The following UBC variants were observed in gnomAD, a reference collection of about 807,000 sequenced individuals.
UBC encodes the protein polyubiquitin-C.
Under a neutral mutation model 34.7 loss-of-function variants are expected in UBC, and 8 were observed. The ratio of observed to expected loss-of-function variants is 0.23; its 90% CI spans 0.14 to 0.42. The LOEUF (loss-of-function observed/expected upper bound fraction) is 0.42, where lower values mean the gene tolerates loss of function less well. Ranked by LOEUF, UBC falls within the 10% of genes least tolerant of loss-of-function variation. The probability of loss-of-function intolerance (pLI) is 1.00; values close to 1 mark genes in which losing one functional copy is unlikely to be tolerated. For synonymous variants in UBC, 367 were observed against 299.8 expected (o/e 1.22, Z -2.32); for missense variants, 323 against 750.3 (o/e 0.43, Z 6.65).
Position 124,913,079 on chromosome 12 carries a change from G to T in UBC, c.693C>A (p.Ile231=). 6.2e-7 allele frequency: 1 copy of T among 1,609,852 alleles called. No individual in the cohort carries two copies. Among genetic ancestry groups the T allele is most frequent in the Non-Finnish European group, 8.5e-7 (1 of 1,178,250 alleles). Residue 231 remains isoleucine (I), a synonymous_variant, in exon 2 of 2, where the codon ATC becomes ATA. Transcript: ENST00000339647. ...TCTTGCCAGTGAGTGTCTTCACGAA[G>T]ATTTGCATCCCACCTCTGAGACGGA... ...LVLRLRGGMQ[I]FVKTLTGKTI...
intron 1 of UBC, 49 bp from the exon 2 acceptor site, chr12:124,913,823 T>A (rs1566303190): frequency 6.3e-7 from 1 of 1,596,856 alleles, no homozygotes; most frequent in African/African-American, 1.4e-5. Flanking sequence ...AATTTACTAG[T>A]CTAACACTGA....
At position 124,911,980 on chromosome 12, in the gene UBC, T is replaced by G; in HGVS notation, c.1792A>C (p.Thr598Pro). 6.3e-7 allele frequency: 1 copy of G among 1,584,106 alleles called. No homozygotes were observed. The highest frequency in any genetic ancestry group is 8.6e-7 in the Non-Finnish European group (1 of 1,163,238). Residue 598 changes from threonine (T) to proline (P), a missense_variant, in exon 2 of 2, where the codon ACC becomes CCC. Thr to Pro is a conservative substitution (Grantham distance 38, BLOSUM62 -1). This residue lies in a region of UBC where 49 missense variants were observed against 112.6 expected (regional missense o/e 0.44). Coordinates refer to ENST00000339647, the MANE Select transcript of UBC (RefSeq NM_021009.7). ...LSDYNIQKES[T>P]LHLVLRLRGG... ...CTGAGACGGAGCACCAGGTGCAGGG[T>G]GGACTCTTTCTGGATGTTGTAGTCA...
chr12:124,913,834 A>G, intron 1 of UBC, 60 bp from the exon 2 acceptor site: 1 of 1,590,536 alleles, frequency 6.3e-7, no homozygotes, highest in Non-Finnish European at 8.6e-7. Context: ...CTAACACTGA[A>G]AATTACATAT....
At chr12:124,914,159 G>T (rs945349970) in intron 1 of UBC, 3 of 250,070 alleles carry the variant, frequency 1.2e-5, no homozygotes, top group African/African-American at 4.6e-5. Flanking sequence ...CGACGAGGGC[G>T]CGCGCTCCCA....
rs1461698981 is a variant in UBC, at chr12:124,913,322, T to C, written c.450A>G (p.Arg150=). ...ESTLHLVLRL[R]GGMQIFVKTL... is the part of the protein sequence containing the mutation. ...TCTTCACGAAGATCTGCATCCCACC[T>C]CTGAGACGGAGCACCAGGTGCAGGG... Residue 150 remains arginine, a synonymous_variant, in exon 2 of 2, where the codon AGA becomes AGG. Transcript: ENST00000339647. 1 of 1,608,154 alleles carries C rather than the reference T, an allele frequency of 6.2e-7. No individual in the cohort carries two copies. Among genetic ancestry groups the C allele is most frequent in the African/African-American group, 1.4e-5 (1 of 73,132 alleles).
chr12:124,912,692 C>T lies in UBC; in HGVS notation c.1080G>A (p.Leu360=). The T allele has an allele frequency of 6.2e-7, 1 of 1,610,928 alleles. No individual in the cohort carries two copies. Among genetic ancestry groups the T allele is most frequent in the Non-Finnish European group, 8.5e-7 (1 of 1,179,178 alleles). ...ACTCTTTCTGGATGTTGTAGTCAGACAGGGTACGACCATCTTCCAGCTGTT... is the reference window on the plus strand; with the variant it reads ...ACTCTTTCTGGATGTTGTAGTCAGATAGGGTACGACCATCTTCCAGCTGTT... The part of the protein sequence containing the change: ...AGKQLEDGRT[L]SDYNIQKEST... Residue 360 remains leucine, a synonymous_variant, in exon 2 of 2, where the codon CTG becomes CTA. Coordinates refer to ENST00000339647, the MANE Select transcript of UBC (RefSeq NM_021009.7).
In UBC at chr12:124,912,632, C is replaced by T. The variant is rs958058799; in HGVS notation, c.1140G>A (p.Gly380=). The T allele has an allele frequency of 6.2e-7, 1 of 1,610,322 alleles. No homozygotes were observed. The highest frequency in any genetic ancestry group is 8.5e-7 in the Non-Finnish European group (1 of 1,179,042). Reference sequence around the variant, plus strand: ...TCAGGGTCTTCACGAAGATCTGCATCCCACCTCTGAGACGGAGCACCAGGT... The same window carrying T: ...TCAGGGTCTTCACGAAGATCTGCATTCCACCTCTGAGACGGAGCACCAGGT... ...TLHLVLRLRG[G]MQIFVKTLTG... The change falls in exon 2 of 2, where the codon GGG becomes GGA. Residue 380 remains glycine, a synonymous_variant. Transcript: ENST00000339647.
chr12:124,914,028 C>T (rs1953570731), intron 1 of UBC: 1 of 563,976 alleles, frequency 1.8e-6, no homozygotes, highest in East Asian at 3.4e-5. Flanking sequence ...CCTGTCGATT[C>T]AGGAGAGCCT....
chr12:124,914,506 C>G (rs562883726), intron 1 of UBC, 81 bp downstream of exon 1: 2 of 153,150 alleles, frequency 1.3e-5, no homozygotes, highest in Non-Finnish European at 2.9e-5. Flanking sequence ...CAGCCCTTGG[C>G]GGTCTCTCCA....
intron 1 of UBC, chr12:124,914,243 A>T: frequency 5.2e-6 from 1 of 194,080 alleles, no homozygotes; most frequent in Non-Finnish European, 1.1e-5. Flanking sequence ...CGAGTTCTCC[A>T]GTCAGTGACA....
At chr12:124,913,968 C>T in intron 1 of UBC, 194 bp from the exon 2 acceptor site, 3 of 863,490 alleles carry the variant, frequency 3.5e-6, no homozygotes, top group Non-Finnish European at 3.4e-6. Context: ...ATAAAACCGA[C>T]CAGAGAAACT....
rs11537764 is a variant in UBC, at chr12:124,912,716, T to C, written c.1056A>G (p.Lys352=). ...ACAGGGTACGACCATCTTCCAGCTG[T>C]TTTCCGGCAAAGATCAACCTCTGCT... ...PDQQRLIFAG[K]QLEDGRTLSD... is the part of the protein sequence containing the mutation. Residue 352 remains lysine (K), a synonymous_variant, in exon 2 of 2, where the codon AAA becomes AAG. Coordinates refer to ENST00000339647, the MANE Select transcript of UBC (RefSeq NM_021009.7). 45 of 1,593,920 alleles carry C rather than the reference T, an allele frequency of 2.8e-5. No individual in the cohort carries two copies. The highest frequency in any genetic ancestry group is 2.1e-4 in the African/African-American group (14 of 67,774).
chr12:124,913,377 A>G lies in UBC; in HGVS notation c.395T>C (p.Leu132Pro). 1 of 1,610,220 alleles carries G rather than the reference A, an allele frequency of 6.2e-7. No individual in the cohort carries two copies. Among genetic ancestry groups the G allele is most frequent in the Non-Finnish European group, 8.5e-7 (1 of 1,178,966 alleles). The change falls in exon 2 of 2, where the codon CTG (leucine) becomes CCG (proline). Residue 132 changes from leucine (L) to proline (P), a missense_variant. Physicochemically the swap from Leu to Pro is moderately conservative, Grantham distance 98. This residue lies in a region of UBC where 202 missense variants were observed against 361.9 expected (regional missense o/e 0.56). Transcript: ENST00000339647. ...CTCTTTCTGGATGTTGTAGTCAGACAGGGTGCGCCCATCTTCCAGCTGCTT... is the reference window on the plus strand; with the variant it reads ...CTCTTTCTGGATGTTGTAGTCAGACGGGGTGCGCCCATCTTCCAGCTGCTT... ...AGKQLEDGRT[L>P]SDYNIQKEST...
chr12:124,913,946 G>A (rs1044673736), intron 1 of UBC, 172 bp from the exon 2 acceptor site: 30 of 1,023,442 alleles, frequency 2.9e-5, no homozygotes, highest in Middle Eastern at 2.9e-4. Context: ...AGCTACTTAA[G>A]AAGATAGGTA....
chr12:124,914,308 G>A (rs1953578441), intron 1 of UBC: 1 of 167,344 alleles, frequency 6.0e-6, no homozygotes, highest in South Asian at 1.3e-4. Flanking sequence ...CCGAATAAGA[G>A]CTTTCCCGCA....
At position 124,911,749 on chromosome 12, in the gene UBC, G is replaced by A. The variant is rs781158912; in HGVS notation, c.2023C>T (p.Leu675=). The part of the protein sequence containing the change: ...SDYNIQKEST[L]HLVLRLRGGV Reference sequence around the variant, plus strand: ...CCCCTCAAGCGCAGGACCAAGTGCAGAGTGGACTCTTTCTGGATGTTGTAG... The same window carrying A: ...CCCCTCAAGCGCAGGACCAAGTGCAAAGTGGACTCTTTCTGGATGTTGTAG... Residue 675 remains leucine (L), a synonymous_variant, in exon 2 of 2, where the codon CTG becomes TTG. Coordinates refer to ENST00000339647, the MANE Select transcript of UBC (RefSeq NM_021009.7). 1.9e-6 allele frequency: 3 copies of A among 1,613,794 alleles called. No homozygotes were observed. Among genetic ancestry groups the A allele is most frequent in the East Asian group, 2.2e-5 (1 of 44,900 alleles).
At chr12:124,913,896 ACT>A in intron 1 of UBC, 122 bp from the exon 2 acceptor site, 1 of 1,451,960 alleles carries the variant, frequency 6.9e-7, no homozygotes, top group South Asian at 1.3e-5. Flanking sequence ...CACAAAACAC[ACT>A]CGCCAACCCC....
chr12:124,913,953 G>T, intron 1 of UBC, 179 bp from the exon 2 acceptor site: 2 of 989,608 alleles, frequency 2.0e-6, no homozygotes, highest in Admixed American at 2.9e-5. Flanking sequence ...TAAGAAGATA[G>T]GTACATAAAA....
chr12:124,913,029 C>T lies in UBC; in HGVS notation c.743G>A (p.Ser248Asn), dbSNP rs1261278115. Residue 248 changes from serine to asparagine, a missense_variant, in exon 2 of 2, where the codon AGT becomes AAT. Physicochemically the swap from Ser to Asn is conservative, Grantham distance 46. Coordinates refer to ENST00000339647, the MANE Select transcript of UBC (RefSeq NM_021009.7). ...GKTITLEVEP[S>N]DTIENVKAKI... is the part of the protein sequence containing the mutation. ...TGCTTTGACGTTCTCGATAGTGTCACTGGGCTCGACCTCAAGGGTGATGGT... is the reference window on the plus strand; with the variant it reads ...TGCTTTGACGTTCTCGATAGTGTCATTGGGCTCGACCTCAAGGGTGATGGT... The T allele has an allele frequency of 1.2e-6, 2 of 1,611,452 alleles. No homozygotes were observed. The highest frequency in any genetic ancestry group is 1.7e-6 in the Non-Finnish European group (2 of 1,179,036).
Sources: gnomAD v4.1 joint callset for allele counts on GRCh38, gnomAD v4.1.1 for gene constraint, gnomAD v4.1.1 regional missense constraint, MANE v1.5 for transcripts, NCBI Gene and HGNC (gene_info 2026-07-23, HGNC 2026-07-21) for gene names.